The following WDR97 variants were observed in gnomAD, a reference collection of about 807,000 sequenced individuals.
The protein encoded by WDR97 is WD repeat domain 97.
Under a neutral mutation model 65.4 loss-of-function variants are expected in WDR97, and 111 were observed. That is an observed-to-expected ratio of 1.70 (90% confidence interval 1.45 to 1.99). WDR97 has a LOEUF of 1.99. WDR97 is among the 30% of genes most tolerant of loss of function. The pLI is 0.00. For synonymous variants in WDR97, 802 were observed against 397.7 expected, an observed-to-expected ratio of 2.02 and a Z score of -12.10; for missense variants, 1,674 against 865.0, an observed-to-expected ratio of 1.94 and a Z score of -11.73.
In WDR97 at chr8:144,108,159, G is replaced by T; in HGVS notation, c.213G>T (p.Leu71=). 1.4e-6 allele frequency: 1 copy of T among 702,316 alleles called. No homozygotes were observed. Among genetic ancestry groups the T allele is most frequent in the Non-Finnish European group, 2.6e-6 (1 of 384,770 alleles). 43.5% of individuals were successfully genotyped at this position (702,316 alleles called of 1,614,324 possible). A position where few individuals can be genotyped will look rare whatever the true frequency, so the allele number is the denominator to read the frequency against. Residue 71 remains leucine, a synonymous_variant, in exon 2 of 24, where the codon CTG becomes CTT. Transcript: ENST00000323662. ...TPRARARRLW[L]LLRTSLHEVV... ...GCGCCCGCGCCCGCCGGCTGTGGCT[G>T]CTTCTGCGCACCAGCCTCCACGAAG...
chr8:144,107,994 C>T lies in WDR97; in HGVS notation c.113-65C>T, dbSNP rs1054570856. The T allele has an allele frequency of 8.5e-6, 6 of 702,092 alleles. No individual in the cohort carries two copies. In the African/African-American group the frequency reaches 8.7e-5, roughly 10 times the overall value. The allele number at this position is 702,092 out of a possible 1,614,324, so 43.5% of individuals were successfully genotyped here. ...GGGCAGGGCCCCTGGAGGAGGGCTC[C>T]CCATAACCGTCAGGGTCGAGGACCT... On this transcript the variant is annotated intron_variant, in intron 1 of 23. Coordinates refer to ENST00000323662, the MANE Select transcript of WDR97 (RefSeq NM_001316309.2).
chr8:144,113,639 T>C lies in WDR97; in HGVS notation c.3184-18T>C. 1 of 652,556 alleles carries C rather than the reference T, an allele frequency of 1.5e-6. No individual in the cohort carries two copies. Among genetic ancestry groups the C allele is most frequent in the Non-Finnish European group, 2.8e-6 (1 of 355,962 alleles). The allele number at this position is 652,556 out of a possible 1,614,324, so 40.4% of individuals were successfully genotyped here. ...TGTCCTTGCAACCCATCAGGCACCA[T>C]CTCTTGCCCCTCTGCAGCCAGGGGC... is the stretch of plus-strand genomic sequence containing the variant. On this transcript the variant is annotated intron_variant, in intron 16 of 23. Transcript: ENST00000323662.
Position 144,114,792 on chromosome 8 carries a change from CCA to C in WDR97, c.3959_3960del (p.Pro1320ArgfsTer172), listed in dbSNP as rs1366007125. On this transcript the variant is annotated frameshift_variant, in exon 21 of 24. Coordinates refer to ENST00000323662, the MANE Select transcript of WDR97 (RefSeq NM_001316309.2). LOFTEE classifies it high-confidence loss of function. ...GCTGCACGGGCTGGGCCTTCAGGAC[CCA>C]GAGGGCTTCCTATTCAAGGAGATGA... ...KLLHGLGLQD[P>X]EGFLFKEMMT... The C allele has an allele frequency of 2.3e-5, 16 of 702,474 alleles. No individual in the cohort carries two copies. Among genetic ancestry groups the C allele is most frequent in the Non-Finnish European group, 2.9e-5 (11 of 384,896 alleles). The allele number at this position is 702,474 out of a possible 1,614,324, so 43.5% of individuals were successfully genotyped here. A position where few individuals can be genotyped will look rare whatever the true frequency, so the allele number is the denominator to read the frequency against.
chr8:144,114,923 AG>A lies in WDR97; in HGVS notation c.4077+16del. On this transcript the variant is annotated intron_variant, in intron 21 of 23. Transcript: ENST00000323662. ...TCCAGGAGCTTCAGGTTGGGCCGGC[AG>A]GGGCCGGGGGGGCCTTGGGAACCCT... 1.5e-6 allele frequency: 1 copy of A among 684,282 alleles called. No individual in the cohort carries two copies. 42.4% of individuals were successfully genotyped at this position (684,282 alleles called of 1,614,324 possible).
In WDR97 at chr8:144,108,651, G is replaced by C. The variant is rs540823998; in HGVS notation, c.585G>C (p.Pro195=). 2 of 700,490 alleles carry C rather than the reference G, an allele frequency of 2.9e-6. No homozygotes were observed. The highest frequency in any genetic ancestry group is 4.0e-5 in the Admixed American group (2 of 49,984). The allele number at this position is 700,490 out of a possible 1,614,324, so 43.4% of individuals were successfully genotyped here. A position where few individuals can be genotyped will look rare whatever the true frequency, so the allele number is the denominator to read the frequency against. Residue 195 remains proline, a synonymous_variant, in exon 3 of 24, where the codon CCG becomes CCC. Transcript: ENST00000323662. ...GCGAGCAGGGGGTGGGCAGGGCCCCGGGTTGGGCGCCCACCTGCTGCCTGC... is the reference window on the plus strand; with the variant it reads ...GCGAGCAGGGGGTGGGCAGGGCCCCCGGTTGGGCGCCCACCTGCTGCCTGC... The part of the protein sequence containing the change: ...WLSEQGVGRA[P]GWAPTCCLPV...
rs145906584 is a variant in WDR97 at position 144,110,465 on chromosome 8, C to G, written c.1968C>G (p.Thr656=). 4 of 702,890 alleles carry G rather than the reference C, an allele frequency of 5.7e-6. No homozygotes were observed. The Admixed American group carries it at 6.0e-5, about 11-fold the overall frequency. The allele number at this position is 702,890 out of a possible 1,614,324, so 43.5% of individuals were successfully genotyped here. A position where few individuals can be genotyped will look rare whatever the true frequency, so the allele number is the denominator to read the frequency against. The part of the protein sequence containing the change: ...VALCALGRRV[T]AGFEDPDSAT... ...TCTGTGCGCTAGGCAGACGCGTCAC[C>G]GCGGGCTTTGAGGACCCAGACAGCG... is the stretch of plus-strand genomic sequence containing the variant. The change falls in exon 7 of 24, where the codon ACC becomes ACG. Residue 656 remains threonine, a synonymous_variant. Coordinates refer to ENST00000323662, the MANE Select transcript of WDR97 (RefSeq NM_001316309.2).
chr8:144,108,949 G>A lies in WDR97; in HGVS notation c.878+5G>A, dbSNP rs1433654261. The stretch of plus-strand genomic sequence containing the variant: ...GCGCCGGGATTTGCACAAAACGTGA[G>A]GGGGATCCCCCTAGGGAGGGCCAGG... On this transcript the variant is annotated splice_donor_5th_base_variant and intron_variant, in intron 3 of 23. Transcript: ENST00000323662. 2.8e-6 allele frequency: 2 copies of A among 703,052 alleles called. No individual in the cohort carries two copies. The highest frequency in any genetic ancestry group is 4.0e-5 in the Admixed American group (2 of 50,018). The allele number at this position is 703,052 out of a possible 1,614,324, so 43.6% of individuals were successfully genotyped here. A position where few individuals can be genotyped will look rare whatever the true frequency, so the allele number is the denominator to read the frequency against.
Position 144,108,950 on chromosome 8 carries a change from G to C in WDR97, c.878+6G>C. The C allele has an allele frequency of 1.4e-6, 1 of 703,022 alleles. No individual in the cohort carries two copies. The highest frequency in any genetic ancestry group is 2.6e-6 in the Non-Finnish European group (1 of 385,006). 43.5% of individuals were successfully genotyped at this position (703,022 alleles called of 1,614,324 possible). A position where few individuals can be genotyped will look rare whatever the true frequency, so the allele number is the denominator to read the frequency against. ...CGCCGGGATTTGCACAAAACGTGAG[G>C]GGGATCCCCCTAGGGAGGGCCAGGC... On this transcript the variant is annotated splice_donor_region_variant and intron_variant, in intron 3 of 23. Coordinates refer to ENST00000323662, the MANE Select transcript of WDR97 (RefSeq NM_001316309.2).
In WDR97 at chr8:144,109,099, C is replaced by T. The variant is rs537028087; in HGVS notation, c.929C>T (p.Ala310Val). The T allele has an allele frequency of 1.4e-6, 1 of 703,120 alleles. No individual in the cohort carries two copies. Among genetic ancestry groups the T allele is most frequent in the African/African-American group, 1.7e-5 (1 of 57,392 alleles). 43.6% of individuals were successfully genotyped at this position (703,120 alleles called of 1,614,324 possible). A position where few individuals can be genotyped will look rare whatever the true frequency, so the allele number is the denominator to read the frequency against. Residue 310 changes from alanine to valine, a missense_variant, in exon 4 of 24, where the codon GCT becomes GTT. Ala to Val is a moderately conservative substitution (Grantham distance 64, BLOSUM62 0). Coordinates refer to ENST00000323662, the MANE Select transcript of WDR97 (RefSeq NM_001316309.2). ...GAGGAAGTAGAGGCAATGGTGACAG[C>T]TTCCCGGGACAGCACCGTGAAGGTG... Reference protein sequence around the residue: ...YCEEVEAMVTASRDSTVKVWE... With the variant: ...YCEEVEAMVTVSRDSTVKVWE...
In WDR97 at chr8:144,108,637, G is replaced by T. The variant is rs535489249; in HGVS notation, c.571G>T (p.Val191Leu). 9 of 700,400 alleles carry T rather than the reference G, an allele frequency of 1.3e-5. No individual in the cohort carries two copies. The highest frequency in any genetic ancestry group is 1.2e-4 in the South Asian group (8 of 67,498). 43.4% of individuals were successfully genotyped at this position (700,400 alleles called of 1,614,324 possible). The change falls in exon 3 of 24, where the codon GTG becomes TTG. Residue 191 changes from valine (V) to leucine (L), a missense_variant. By Grantham distance (32) the Val-to-Leu change is conservative. Coordinates refer to ENST00000323662, the MANE Select transcript of WDR97 (RefSeq NM_001316309.2). ...LSLLWLSEQG[V>L]GRAPGWAPTC... ...CCTGCTGTGGCTGAGCGAGCAGGGG[G>T]TGGGCAGGGCCCCGGGTTGGGCGCC...
In WDR97 at chr8:144,114,390, T is replaced by C. The variant is rs530522827; in HGVS notation, c.3707T>C (p.Leu1236Pro). The change falls in exon 19 of 24, where the codon CTG becomes CCG. Residue 1236 changes from leucine (L) to proline (P), a missense_variant. Leu to Pro is a moderately conservative substitution (Grantham distance 98). Transcript: ENST00000323662. Reference protein sequence around the residue: ...VHILQVLLRLLPNMSSDLQGQ... With the variant: ...VHILQVLLRLPPNMSSDLQGQ... ...ATCCTGCAGGTGCTACTGAGACTGC[T>C]GCCCAACATGAGCAGTGATCTCCAA... 1.8e-5 allele frequency: 13 copies of C among 702,820 alleles called. No individual in the cohort carries two copies. In the East Asian group the frequency reaches 3.5e-4, roughly 19 times the overall value. 43.5% of individuals were successfully genotyped at this position (702,820 alleles called of 1,614,324 possible).
rs906500866 is a variant in WDR97 at position 144,109,573 on chromosome 8, G to C, written c.1239G>C (p.Glu413Asp). Residue 413 changes from glutamate (E) to aspartate (D), a missense_variant, in exon 5 of 24, where the codon GAG becomes GAC. Coordinates refer to ENST00000323662, the MANE Select transcript of WDR97 (RefSeq NM_001316309.2). The part of the protein sequence containing the change: ...ASSMQLWRVR[E>D]LYSPLAQLPA... ...GCATGCAGCTGTGGCGCGTACGCGA[G>C]CTCTACTCGCCGTTGGCGCAACTGC... 5 of 694,460 alleles carry C rather than the reference G, an allele frequency of 7.2e-6. No individual in the cohort carries two copies. Among genetic ancestry groups the C allele is most frequent in the African/African-American group, 5.3e-5 (3 of 56,314 alleles). 43.0% of individuals were successfully genotyped at this position (694,460 alleles called of 1,614,324 possible).
In WDR97 at chr8:144,116,408, G is replaced by A. The variant is rs1043194252; in HGVS notation, c.*115G>A. ...CTTTCTGCAGGATGCCGCCTGCTTTGGAGGGCCCCGGGGTGCGCACGGCGT... is the reference window on the plus strand; with the variant it reads ...CTTTCTGCAGGATGCCGCCTGCTTTAGAGGGCCCCGGGGTGCGCACGGCGT... On this transcript the variant is annotated 3_prime_UTR_variant, in exon 24 of 24. Coordinates refer to ENST00000323662, the MANE Select transcript of WDR97 (RefSeq NM_001316309.2). The A allele has an allele frequency of 1.8e-6, 1 of 562,390 alleles. No homozygotes were observed. The highest frequency in any genetic ancestry group is 3.1e-6 in the Non-Finnish European group (1 of 317,770). 34.8% of individuals were successfully genotyped at this position (562,390 alleles called of 1,614,324 possible). A position where few individuals can be genotyped will look rare whatever the true frequency, so the allele number is the denominator to read the frequency against.
At position 144,110,640 on chromosome 8, in the gene WDR97, T is replaced by A. The variant is rs759225444; in HGVS notation, c.2081-9T>A. The A allele has an allele frequency of 1.4e-6, 1 of 702,720 alleles. No individual in the cohort carries two copies. The highest frequency in any genetic ancestry group is 2.6e-6 in the Non-Finnish European group (1 of 385,002). The allele number at this position is 702,720 out of a possible 1,614,324, so 43.5% of individuals were successfully genotyped here. ...AGCTCCGGTTCCTGACCCTGAACCC[T>A]GCCGCCAGGCCTGTGCTGCTGCCCC... On this transcript the variant is annotated splice_polypyrimidine_tract_variant and intron_variant, in intron 7 of 23. Coordinates refer to ENST00000323662, the MANE Select transcript of WDR97 (RefSeq NM_001316309.2).
chr8:144,107,989 G>T, intron 1 of WDR97, 70 bp from the exon 2 acceptor site: 1 of 701,606 alleles, frequency 1.4e-6, no homozygotes, highest in Non-Finnish European at 2.6e-6. Context: ...CCTGGAGGAG[G>T]GCTCCCCATA....
chr8:144,113,596 G>A (rs1014230914), intron 16 of WDR97, 61 bp from the exon 17 acceptor site: 74 of 662,160 alleles, frequency 1.1e-4, no homozygotes, highest in African/African-American at 6.8e-4. Flanking sequence ...GGGTTTTGCC[G>A]GCAGGGGAGG....
intron 14 of WDR97, 43 bp from the exon 15 acceptor site, chr8:144,112,404 T>A (rs1049258128): frequency 3.0e-5 from 21 of 702,234 alleles, no homozygotes; most frequent in Non-Finnish European, 5.5e-5. Context: ...GCTGCCGGGG[T>A]GCTAGGGGCT....
At position 144,116,519 on chromosome 8, in the gene WDR97, C is replaced by T. The variant is rs945501812; in HGVS notation, c.*226C>T. ...GGTGGCCATCGTGGGCACCAGCGTT[C>T]CCGGAGGGGTGGCCGGCCTAGGGCA... On this transcript the variant is annotated 3_prime_UTR_variant, in exon 24 of 24. Coordinates refer to ENST00000323662, the MANE Select transcript of WDR97 (RefSeq NM_001316309.2). The T allele has an allele frequency of 2.6e-5, 13 of 491,358 alleles. 1 individual carries two copies. In the South Asian group the frequency reaches 4.6e-4, roughly 17 times the overall value. The allele number at this position is 491,358 out of a possible 1,614,324, so 30.4% of individuals were successfully genotyped here. A position where few individuals can be genotyped will look rare whatever the true frequency, so the allele number is the denominator to read the frequency against.
Position 144,116,603 on chromosome 8 carries a change from G to A in WDR97, c.*310G>A, listed in dbSNP as rs983685281. 3 of 289,834 alleles carry A rather than the reference G, an allele frequency of 1.0e-5. No homozygotes were observed. The Admixed American group carries it at 1.5e-4, about 15-fold the overall frequency. 18.0% of individuals were successfully genotyped at this position (289,834 alleles called of 1,614,324 possible). On this transcript the variant is annotated 3_prime_UTR_variant, in exon 24 of 24. Transcript: ENST00000323662. ...CACTGAGCAAACGTTTTCTGCTCAA[G>A]TACTAGGTGTTGAGATGCGGGCTGA...
Sources: gnomAD v4.1 joint callset for allele counts on GRCh38, gnomAD v4.1.1 for gene constraint, MANE v1.5 for transcripts, NCBI Gene and HGNC (gene_info 2026-07-23, HGNC 2026-07-21) for gene names.